The following MZT1 variants were observed in gnomAD, a reference collection of about 807,000 sequenced individuals.
MZT1 encodes mitotic spindle organizing protein 1.
In MZT1, 8 loss-of-function variants were observed where a neutral mutation model predicts 8.5. The observed-to-expected ratio is 0.94, with a 90% CI of 0.55 to 1.70. The LOEUF (loss-of-function observed/expected upper bound fraction) is 1.70, where lower values mean the gene tolerates loss of function less well. Ranked by LOEUF, MZT1 falls within the 40% of genes most tolerant of loss-of-function variation. MZT1 has a pLI of 0.00. For missense variants in MZT1, 93 were observed against 108.6 expected (o/e 0.86, Z 0.64); for synonymous variants, 38 against 42.0 (o/e 0.90, Z 0.37).
intron 1 of MZT1, among the ~76,000 whole-genome samples, chr13:72,726,536 G>A (rs2032660781): frequency 6.6e-6 from 1 of 152,016 alleles, no homozygotes; most frequent in Non-Finnish European, 1.5e-5. Flanking sequence ...AGTAGACCCT[G>A]GAAAACGTCT....
At chr13:72,724,808 T>C (rs1177538084) in intron 1 of MZT1, among the ~76,000 whole-genome samples, 2 of 137,272 alleles carry the variant, frequency 1.5e-5, no homozygotes, top group African/African-American at 2.6e-5. Flanking sequence ...TCCCAGCACT[T>C]TGGGAGGCTG....
intron 2 of MZT1, among the ~76,000 whole-genome samples, chr13:72,716,505 GAT>G (rs2032536539): frequency 1.3e-5 from 2 of 152,236 alleles, no homozygotes; most frequent in South Asian, 4.2e-4. Context: ...TAATCTGAAA[GAT>G]ATGTAAATTG....
At chr13:72,725,364 A>T (rs532166930) in intron 1 of MZT1, among the ~76,000 whole-genome samples, 5 of 152,262 alleles carry the variant, frequency 3.3e-5, no homozygotes, top group Admixed American at 3.3e-4. Context: ...TTTCAGAGTG[A>T]GGTGCACAGA....
intron 2 of MZT1, among the ~76,000 whole-genome samples, chr13:72,715,313 T>C (rs1593796395): frequency 6.6e-6 from 1 of 152,222 alleles, no homozygotes; most frequent in East Asian, 1.9e-4. Flanking sequence ...CCAATGTCTA[T>C]AATCCCATTG....
intron 2 of MZT1, among the ~76,000 whole-genome samples, chr13:72,715,255 G>T (rs1008229084): frequency 6.6e-6 from 1 of 152,182 alleles, no homozygotes. Context: ...GGGGCCTGTA[G>T]CCTCTTTCAT....
intron 1 of MZT1, among the ~76,000 whole-genome samples, chr13:72,727,319 C>T (rs975186535): frequency 1.3e-5 from 2 of 152,220 alleles, no homozygotes; most frequent in African/African-American, 2.4e-5. Flanking sequence ...ACGCCTAGCG[C>T]GCGCGACAAA....
chr13:72,712,247 C>T (rs1037796025), intron 2 of MZT1, among the ~76,000 whole-genome samples: 3 of 152,186 alleles, frequency 2.0e-5, no homozygotes, highest in Non-Finnish European at 2.9e-5. Context: ...TTACTGCAGC[C>T]TCAAATGCCT....
chr13:72,722,607 G>T (rs945919766), intron 1 of MZT1, among the ~76,000 whole-genome samples: 2 of 152,148 alleles, frequency 1.3e-5, no homozygotes, highest in Non-Finnish European at 2.9e-5. Context: ...ATCAGGCCTT[G>T]TAGTATTTTT....
chr13:72,711,473 T>G (rs997698322), intron 2 of MZT1, among the ~76,000 whole-genome samples: 3 of 152,034 alleles, frequency 2.0e-5, no homozygotes, highest in African/African-American at 7.2e-5. Context: ...CAAAAAATAG[T>G]TACTGTTTTC....
At chr13:72,711,534 GT>G (rs2032488843) in intron 2 of MZT1, among the ~76,000 whole-genome samples, 1 of 151,956 alleles carries the variant, frequency 6.6e-6, no homozygotes, top group Admixed American at 6.6e-5. Context: ...CAGACCAACA[GT>G]TTTTTGCAAC....
chr13:72,713,716 T>C (rs1317074016), intron 2 of MZT1, among the ~76,000 whole-genome samples: 1 of 152,232 alleles, frequency 6.6e-6, no homozygotes, highest in South Asian at 2.1e-4. Flanking sequence ...ACTTGCTGAC[T>C]GAGCATCCCT....
At chr13:72,726,744 G>GAAAAAA (rs35019188) in intron 1 of MZT1, among the ~76,000 whole-genome samples, 1 of 132,132 alleles carries the variant, frequency 7.6e-6, no homozygotes, top group Non-Finnish European at 1.6e-5. Flanking sequence ...TTATTTTACA[G>GAAAAAA]AAAAAAAAAA....
intron 1 of MZT1, among the ~76,000 whole-genome samples, chr13:72,726,825 A>G (rs2032668071): frequency 1.3e-5 from 2 of 151,782 alleles, no homozygotes; most frequent in South Asian, 4.2e-4. Flanking sequence ...ATAAAGTGGC[A>G]GAACCGACAT....
At chr13:72,724,752 A>ATATATATATATGTGTGTGTGTGTGTGTG (rs1180726488) in intron 1 of MZT1, among the ~76,000 whole-genome samples, 1 of 56,856 alleles carries the variant, frequency 1.8e-5, no homozygotes, top group African/African-American at 5.0e-5. Context: ...ACATATATAT[A>ATATATATATATGTGTGTGTGTGTGTGTG]TGTAAAGTGG....
At chr13:72,718,881 T>A in intron 2 of MZT1, 71 bp downstream of exon 2, 2 of 1,414,542 alleles carry the variant, frequency 1.4e-6, no homozygotes, top group Non-Finnish European at 1.9e-6. Flanking sequence ...ATGTTTCCCA[T>A]AACTTCATCA....
intron 1 of MZT1, among the ~76,000 whole-genome samples, chr13:72,720,511 C>A (rs1361387879): frequency 2.0e-5 from 3 of 152,182 alleles, no homozygotes; most frequent in African/African-American, 7.2e-5. Context: ...CTAAGTCTTT[C>A]TGAAAATTCT....
At chr13:72,713,047 T>G (rs868171139) in intron 2 of MZT1, among the ~76,000 whole-genome samples, 1 of 152,224 alleles carries the variant, frequency 6.6e-6, no homozygotes. Context: ...TTGTTTCTAA[T>G]AACGACTTCA....
At chr13:72,711,168 A>G (rs1427034365) in intron 2 of MZT1, among the ~76,000 whole-genome samples, 1 of 152,176 alleles carries the variant, frequency 6.6e-6, no homozygotes, top group East Asian at 1.9e-4. Flanking sequence ...TAGAAGATAC[A>G]GGAAAGTAGG....
At chr13:72,720,678 C>T (rs568172647) in intron 1 of MZT1, among the ~76,000 whole-genome samples, 93 of 152,238 alleles carry the variant, frequency 6.1e-4, no homozygotes, top group Non-Finnish European at 1.0e-3. Context: ...CACCTGAGGT[C>T]GGGAGTTCGA....
Sources: allele counts gnomAD v4.1 joint callset (sites outside exome capture counted in the v4.1 genomes callset), GRCh38; gene constraint gnomAD v4.1.1; transcripts MANE v1.5; gene names NCBI Gene and HGNC (gene_info 2026-07-23, HGNC 2026-07-21).